The following GSE1 variants were observed in gnomAD, a reference collection of about 807,000 sequenced individuals.
The protein encoded by GSE1 is Gse1 coiled-coil protein, also known as genetic suppressor element 1.
In GSE1, 32 loss-of-function variants were observed where a neutral mutation model predicts 112.6. The observed-to-expected ratio is 0.28, with a 90% CI of 0.21 to 0.38. GSE1 has a LOEUF of 0.38. Among genes scored for constraint, GSE1 ranks in the 10% least tolerant of loss-of-function variants. The probability of loss-of-function intolerance (pLI) is 1.00; values close to 1 mark genes in which losing one functional copy is unlikely to be tolerated. For missense variants in GSE1, 2,348 were observed against 1,699.2 expected, an observed-to-expected ratio of 1.38 and a Z score of -6.71; for synonymous variants, 1,115 against 735.6, an observed-to-expected ratio of 1.52 and a Z score of -8.35.
At chr16:85,189,367 C>G (rs953973159) in intron 1 of GSE1, among the ~76,000 whole-genome samples, 24 of 152,124 alleles carry the variant, frequency 1.6e-4, no homozygotes, top group Non-Finnish European at 2.9e-5. Context: ...GAATTTTTAC[C>G]CATTGACCCT....
chr16:85,575,249 C>T (rs1004488088), intron 1 of GSE1, among the ~76,000 whole-genome samples: 2 of 152,198 alleles, frequency 1.3e-5, no homozygotes, highest in African/African-American at 2.4e-5. Context: ...CTGCAACCTG[C>T]GGTGCTCCCA....
chr16:85,294,307 G>A (rs953574907), intron 1 of GSE1, among the ~76,000 whole-genome samples: 2 of 152,194 alleles, frequency 1.3e-5, no homozygotes, highest in Non-Finnish European at 2.9e-5. Flanking sequence ...GTAAACCCTG[G>A]ATAAATGGTC....
At chr16:85,324,951 A>G (rs865845522) in intron 1 of GSE1, among the ~76,000 whole-genome samples, 5 of 152,270 alleles carry the variant, frequency 3.3e-5, no homozygotes, top group South Asian at 4.2e-4. Flanking sequence ...TATAAATTAT[A>G]TCCCAATTCA....
chr16:85,523,568 A>C (rs2052262750), intron 2 of GSE1, among the ~76,000 whole-genome samples: 1 of 152,098 alleles, frequency 6.6e-6, no homozygotes, highest in Non-Finnish European at 1.5e-5. Flanking sequence ...AACCCCTGGG[A>C]GCCGCCTCCC....
chr16:85,281,123 C>T (rs933445733), intron 1 of GSE1, among the ~76,000 whole-genome samples: 7 of 152,170 alleles, frequency 4.6e-5, no homozygotes, highest in Non-Finnish European at 1.0e-4. Context: ...ACGATGCAAA[C>T]GGCCTCTCTC....
chr16:85,420,264 C>T (rs1034449682), intron 2 of GSE1, among the ~76,000 whole-genome samples: 8 of 152,090 alleles, frequency 5.3e-5, no homozygotes, highest in South Asian at 4.1e-4. Context: ...TTTGCCCTGT[C>T]GCCCAGGTTG....
intron 1 of GSE1, among the ~76,000 whole-genome samples, chr16:85,270,466 A>C (rs570934960): frequency 6.7e-6 from 1 of 149,214 alleles, no homozygotes; most frequent in African/African-American, 2.4e-5. Flanking sequence ...CGGCACAGCA[A>C]GCCTGGGATG....
intron 1 of GSE1, among the ~76,000 whole-genome samples, chr16:85,583,042 A>T (rs2046518766): frequency 6.6e-6 from 1 of 152,002 alleles, no homozygotes; most frequent in Admixed American, 6.6e-5. Context: ...TCCTGGAGCC[A>T]CTCATTCCTC....
In GSE1 at chr16:85,669,587, C is replaced by T. The variant is rs187656800; in HGVS notation, c.3415+1163C>T. On this transcript the variant is annotated intron_variant, in intron 14 of 15. Transcript: ENST00000253458. ...ATTCTTTTAGTGCACTCGTATATAT[C>T]CAGAAGCAATACACAGTGATTTTTA... 7.2e-5 allele frequency among the ~76,000 whole-genome samples: 11 copies of T among 152,248 alleles called. No homozygotes were observed. In the South Asian group the frequency reaches 1.5e-3, roughly 20 times the overall value.
intron 2 of GSE1, among the ~76,000 whole-genome samples, chr16:85,461,895 C>T (rs569654690): frequency 4.6e-5 from 7 of 152,298 alleles, no homozygotes; most frequent in Admixed American, 3.9e-4. Flanking sequence ...GGCAGGCAGC[C>T]CTGCCCCTCC....
At chr16:85,224,917 C>G (rs1452454481) in intron 1 of GSE1, among the ~76,000 whole-genome samples, 1 of 151,764 alleles carries the variant, frequency 6.6e-6, no homozygotes, top group Non-Finnish European at 1.5e-5. Flanking sequence ...ATCACGAGGT[C>G]AGGAGTTTGA....
At chr16:85,476,635 C>CATT (rs2050464056) in intron 2 of GSE1, among the ~76,000 whole-genome samples, 1 of 151,338 alleles carries the variant, frequency 6.6e-6, no homozygotes, top group South Asian at 2.1e-4. Context: ...GTAATTCTTT[C>CATT]ATTTATTTAT....
intron 1 of GSE1, among the ~76,000 whole-genome samples, chr16:85,630,976 C>T (rs996689735): frequency 6.6e-6 from 1 of 152,206 alleles, no homozygotes; most frequent in Non-Finnish European, 1.5e-5. Context: ...CCCGACTGGT[C>T]TGTGTGACTT....
At chr16:85,640,921 TCAGGGGAAGC>T (rs2050392606) in intron 2 of GSE1, among the ~76,000 whole-genome samples, 1 of 152,262 alleles carries the variant, frequency 6.6e-6, no homozygotes, top group East Asian at 1.9e-4. Flanking sequence ...GGGCTGGTGG[TCAGGGGAAGC>T]CAGAGCCAAA....
At chr16:85,477,277 C>T (rs902947109) in intron 2 of GSE1, among the ~76,000 whole-genome samples, 10 of 152,122 alleles carry the variant, frequency 6.6e-5, no homozygotes, top group Admixed American at 4.6e-4. Context: ...CAGCCTGTCC[C>T]GGGTGCCCAA....
intron 2 of GSE1, among the ~76,000 whole-genome samples, chr16:85,403,390 GC>G (rs2151676846): frequency 6.6e-6 from 1 of 152,306 alleles, no homozygotes; most frequent in African/African-American, 2.4e-5. Flanking sequence ...GTCATTGGGG[GC>G]TCGTCAAAGC....
At chr16:85,431,417 A>C (rs2049117695) in intron 2 of GSE1, among the ~76,000 whole-genome samples, 1 of 152,234 alleles carries the variant, frequency 6.6e-6, no homozygotes, top group South Asian at 2.1e-4. Flanking sequence ...AATGTTGGCA[A>C]CTAATGCGAA....
intron 13 of GSE1, among the ~76,000 whole-genome samples, chr16:85,667,296 A>G (rs1480264825): frequency 2.0e-5 from 3 of 152,230 alleles, no homozygotes; most frequent in African/African-American, 7.2e-5. Context: ...TCACTCTGCC[A>G]TACCAGTTTG....
chr16:85,442,492 C>T (rs759485946), intron 2 of GSE1, among the ~76,000 whole-genome samples: 6 of 151,984 alleles, frequency 3.9e-5, no homozygotes, highest in East Asian at 1.9e-4. Context: ...AGGGGAGCCT[C>T]GGGCAGGCTA....
Sources: gnomAD v4.1 joint callset for allele counts (sites outside exome capture counted in the v4.1 genomes callset) on GRCh38, gnomAD v4.1.1 for gene constraint, MANE v1.5 for transcripts, NCBI Gene and HGNC (gene_info 2026-07-23, HGNC 2026-07-21) for gene names.